Variants in TEP1 observed in about 807,000 individuals in gnomAD.
TEP1 encodes the protein telomerase associated protein 1, also known as telomerase protein component 1.
Under a neutral mutation model 306.3 loss-of-function variants are expected in TEP1, and 241 were observed. That is an observed-to-expected ratio of 0.79 (90% confidence interval 0.71 to 0.88). The LOEUF is 0.88. Among genes scored for constraint, TEP1 ranks in the 40% least tolerant of loss-of-function variants. The pLI is 0.00. For missense variants in TEP1, 3,051 were observed against 3,276.1 expected, an observed-to-expected ratio of 0.93 and a Z score of 1.68; for synonymous variants, 1,289 against 1,305.5, an observed-to-expected ratio of 0.99 and a Z score of 0.27.
Position 20,380,344 on chromosome 14 carries a change from G to C in TEP1, c.4894C>G (p.Pro1632Ala). The C allele has an allele frequency of 1.2e-6, 2 of 1,614,210 alleles. No individual in the cohort carries two copies. The highest frequency in any genetic ancestry group is 8.5e-7 in the Non-Finnish European group (1 of 1,180,040). ...TGGTGGCAAAGAGGTGAGTCCAGGG[G>C]CTGGTTGGCTGCCTGCTGGGGCAGG... Reference protein sequence around the residue: ...RLLPQQAANQPLDSPLCHQAS... With the variant: ...RLLPQQAANQALDSPLCHQAS... Residue 1632 changes from proline (P) to alanine (A), a missense_variant, in exon 34 of 55, where the codon CCC (proline) becomes GCC (alanine). Physicochemically the swap from Pro to Ala is conservative, Grantham distance 27 (BLOSUM62 -1). Around this residue, in one of 3 missense-constraint regions of TEP1, gnomAD observed 1,540 missense variants for 1,705.9 expected, o/e 0.90. Transcript: ENST00000262715.
Position 20,373,149 on chromosome 14 carries a change from T to A in TEP1, c.6815-2A>T, listed in dbSNP as rs1480044951. 1 of 1,614,222 alleles carries A rather than the reference T, an allele frequency of 6.2e-7. No individual in the cohort carries two copies. The highest frequency in any genetic ancestry group is 8.5e-7 in the Non-Finnish European group (1 of 1,180,044). ...AACTCCTTGGTATACATGTGTCATC[T>A]GGAGGAGAAAGGACGTGTTTCATTA... is the stretch of plus-strand genomic sequence containing the variant. On this transcript the variant is annotated splice_acceptor_variant, in intron 47 of 54. Transcript: ENST00000262715. LOFTEE classifies it high-confidence loss of function.
In TEP1 at chr14:20,405,516, T is replaced by C. The variant is rs1199990117; in HGVS notation, c.805A>G (p.Thr269Ala). The C allele has an allele frequency of 2.5e-6, 4 of 1,613,832 alleles. No homozygotes were observed. The African/African-American group carries it at 4.0e-5, about 16-fold the overall frequency. ...CAGATTTCAAAAATGGCAGCCAGGG[T>C]GGGGTCAGATGTATTGTTCATGTTT... Reference protein sequence around the residue: ...EVNMNNTSDPTLAAIFEICRE... With the variant: ...EVNMNNTSDPALAAIFEICRE... Residue 269 changes from threonine (T) to alanine (A), a missense_variant, in exon 4 of 55, where the codon ACC (threonine) becomes GCC (alanine). Thr to Ala is a moderately conservative substitution (Grantham distance 58). Coordinates refer to ENST00000262715, the MANE Select transcript of TEP1 (RefSeq NM_007110.5).
chr14:20,400,508 A>C (rs1878602041), intron 9 of TEP1, among the ~76,000 whole-genome samples: 1 of 98,266 alleles, frequency 1.0e-5, no homozygotes, highest in Non-Finnish European at 1.7e-5. Flanking sequence ...AAAAAAAAAA[A>C]AAAAAAAAAA....
At chr14:20,412,939 G>A (rs1318681544) in intron 1 of TEP1, among the ~76,000 whole-genome samples, 1 of 152,034 alleles carries the variant, frequency 6.6e-6, no homozygotes, top group Non-Finnish European at 1.5e-5. Flanking sequence ...GATTACAGGC[G>A]TGAACCACCG....
In TEP1 at chr14:20,373,752, C is replaced by A; in HGVS notation, c.6530G>T (p.Gly2177Val). The change falls in exon 45 of 55, where the codon GGC becomes GTC. Residue 2177 changes from glycine (G) to valine (V), a missense_variant. Gly to Val is a moderately radical substitution (Grantham distance 109, BLOSUM62 -3). Coordinates refer to ENST00000262715, the MANE Select transcript of TEP1 (RefSeq NM_007110.5). ...DGTLKVWDHQ[G>V]VELTSIPAHS... is the part of the protein sequence containing the mutation. ...AGCAGGGATGCTGGTCAGCTCCACGCCTTGATGGTCCCACACTTTCAAGGT... is the reference window on the plus strand; with the variant it reads ...AGCAGGGATGCTGGTCAGCTCCACGACTTGATGGTCCCACACTTTCAAGGT... 6.2e-7 allele frequency: 1 copy of A among 1,614,156 alleles called. No homozygotes were observed.
intron 12 of TEP1, among the ~76,000 whole-genome samples, chr14:20,394,913 A>G (rs766561977): frequency 2.6e-5 from 4 of 152,208 alleles, no homozygotes; most frequent in Admixed American, 6.5e-5. Flanking sequence ...AGTGTAAGAT[A>G]CTGATGAACC....
At chr14:20,395,970 G>A in intron 10 of TEP1, 21 bp from the exon 11 acceptor site, 6 of 1,609,022 alleles carry the variant, frequency 3.7e-6, no homozygotes, top group Non-Finnish European at 3.4e-6. Flanking sequence ...AAGGAGGGAG[G>A]GGTCATGAGC....
In TEP1 at chr14:20,382,661, C is replaced by G. The variant is rs1179353479; in HGVS notation, c.4102G>C (p.Val1368Leu). ...ESGRPLYLRL[V>L]TDHLRLFTLY... ...GTGAAGAGCCTCAGGTGATCGGTGA[C>G]CAAGCGCAGGTAGAGCGGCCGGCCT... Residue 1368 changes from valine (V) to leucine (L), a missense_variant, in exon 28 of 55, where the codon GTC becomes CTC. Transcript: ENST00000262715. 6.2e-7 allele frequency: 1 copy of G among 1,613,962 alleles called. No individual in the cohort carries two copies. Among genetic ancestry groups the G allele is most frequent in the Non-Finnish European group, 8.5e-7 (1 of 1,180,016 alleles).
intron 35 of TEP1, among the ~76,000 whole-genome samples, 163 bp from the exon 36 acceptor site, chr14:20,379,268 C>A (rs1487572253): frequency 2.0e-5 from 3 of 152,230 alleles, no homozygotes; most frequent in Non-Finnish European, 4.4e-5. Flanking sequence ...GCCTCGTGAT[C>A]CAAGTGGGGC....
At position 20,391,095 on chromosome 14, in the gene TEP1, G is replaced by C; in HGVS notation, c.2099C>G (p.Pro700Arg). ...RLCPKSNPQG[P>R]PLNYALLLIG... is the part of the protein sequence containing the mutation. Reference sequence around the variant, plus strand: ...CAACAGCAGTGCATAGTTCAGCGGGGGCTGATTGGACAAGTGTCAGGGGAA... The same window carrying C: ...CAACAGCAGTGCATAGTTCAGCGGGCGCTGATTGGACAAGTGTCAGGGGAA... The change falls in exon 14 of 55, where the codon CCC becomes CGC. Residue 700 changes from proline (P) to arginine (R), a missense_variant and splice_region_variant. This residue lies in a region of TEP1 where 1,507 missense variants were observed against 1,550.5 expected (regional missense o/e 0.97). Coordinates refer to ENST00000262715, the MANE Select transcript of TEP1 (RefSeq NM_007110.5). 1 of 1,613,798 alleles carries C rather than the reference G, an allele frequency of 6.2e-7. No homozygotes were observed. Among genetic ancestry groups the C allele is most frequent in the Non-Finnish European group, 8.5e-7 (1 of 1,179,946 alleles).
rs188723191 is a variant in TEP1 at position 20,404,776 on chromosome 14, G to T, written c.871-4C>A. 1.2e-6 allele frequency: 2 copies of T among 1,603,740 alleles called. No individual in the cohort carries two copies. The highest frequency in any genetic ancestry group is 2.7e-5 in the African/African-American group (2 of 74,660). Reference sequence around the variant, plus strand: ...GCTGCCTGGCATACAAAGATGCCTAGGACACAGGGTGAGAGGACTAGAATC... The same window carrying T: ...GCTGCCTGGCATACAAAGATGCCTATGACACAGGGTGAGAGGACTAGAATC... On this transcript the variant is annotated splice_region_variant and splice_polypyrimidine_tract_variant and intron_variant, in intron 4 of 54. Coordinates refer to ENST00000262715, the MANE Select transcript of TEP1 (RefSeq NM_007110.5).
chr14:20,390,793 C>T (rs200863368), intron 14 of TEP1, 35 bp from the exon 15 acceptor site: 20 of 1,613,528 alleles, frequency 1.2e-5, no homozygotes, highest in Non-Finnish European at 1.6e-5. Flanking sequence ...TGTGGTTGCA[C>T]AGTAAGCGAC....
chr14:20,373,061 C>G lies in TEP1; in HGVS notation c.6901G>C (p.Ala2301Pro). The G allele has an allele frequency of 1.2e-6, 2 of 1,614,220 alleles. No individual in the cohort carries two copies. The highest frequency in any genetic ancestry group is 1.7e-6 in the Non-Finnish European group (2 of 1,180,036). The change falls in exon 48 of 55, where the codon GCT (alanine) becomes CCT (proline). Residue 2301 changes from alanine to proline, a missense_variant. Transcript: ENST00000262715. ...TCCTGCCACAAGATTAGTTCCCCAG[C>G]TTGATTTCCAGATACTGCCATGGAA... Reference protein sequence around the residue: ...DGSMAVSGNQAGELILWQEAK... With the variant: ...DGSMAVSGNQPGELILWQEAK...
chr14:20,410,020 C>CAAAAAAAAAAAAAAAA (rs570672845), intron 1 of TEP1, among the ~76,000 whole-genome samples: 26 of 58,952 alleles, frequency 4.4e-4, no homozygotes, highest in African/African-American at 6.0e-4. Context: ...GACTCTGTCT[C>CAAAAAAAAAAAAAAAA]AAAAAAAAAA....
At chr14:20,383,406 T>C (rs531746468) in intron 26 of TEP1, 53 bp from the exon 27 acceptor site, 3 of 1,605,164 alleles carry the variant, frequency 1.9e-6, no homozygotes, top group South Asian at 1.1e-5. Flanking sequence ...GAGAACCACA[T>C]TGGAGAGGCC....
chr14:20,393,812 T>G (rs867765198), intron 12 of TEP1, among the ~76,000 whole-genome samples: 43 of 150,248 alleles, frequency 2.9e-4, no homozygotes, highest in Middle Eastern at 7.1e-3. Context: ...CCAGGGTGCT[T>G]AGCTAATGCC....
At position 20,386,156 on chromosome 14, in the gene TEP1, C is replaced by T; in HGVS notation, c.2901G>A (p.Gln967=). The T allele has an allele frequency of 6.2e-7, 1 of 1,613,852 alleles. No homozygotes were observed. The highest frequency in any genetic ancestry group is 8.5e-7 in the Non-Finnish European group (1 of 1,179,890). ...GGGAGCCCAGAATCCCCACAAACAGCTGTGCGTTCTCCACCTCCCCAAGGC... is the reference window on the plus strand; with the variant it reads ...GGGAGCCCAGAATCCCCACAAACAGTTGTGCGTTCTCCACCTCCCCAAGGC... ...EVCLGEVENA[Q]LFVGILGSRY... The change falls in exon 20 of 55, where the codon CAG becomes CAA. Residue 967 remains glutamine (Q), a synonymous_variant. Transcript: ENST00000262715.
At chr14:20,409,453 C>G (rs539302333) in intron 1 of TEP1, among the ~76,000 whole-genome samples, 1 of 152,340 alleles carries the variant, frequency 6.6e-6, no homozygotes, top group East Asian at 1.9e-4. Flanking sequence ...GGACCTAGAT[C>G]TCCCTTCTGA....
chr14:20,380,378 G>A lies in TEP1; in HGVS notation c.4860C>T (p.Tyr1620=). The part of the protein sequence containing the change: ...LRQQASILSQ[Y]PRLLPQQAAN... ...CTGCCTGCTGGGGCAGGAGCCGGGG[G>A]TACTGGCTGAGGATTGAAGCCTGCT... The change falls in exon 34 of 55, where the codon TAC becomes TAT. Residue 1620 remains tyrosine, a synonymous_variant. Transcript: ENST00000262715. The A allele has an allele frequency of 2.5e-6, 4 of 1,614,236 alleles. No individual in the cohort carries two copies. The highest frequency in any genetic ancestry group is 3.4e-6 in the Non-Finnish European group (4 of 1,180,050).
Sources: allele counts gnomAD v4.1 joint callset (sites outside exome capture counted in the v4.1 genomes callset), GRCh38; gene constraint gnomAD v4.1.1; regional missense constraint gnomAD v4.1.1; transcripts MANE v1.5; gene names NCBI Gene and HGNC (gene_info 2026-07-23, HGNC 2026-07-21).